PCDH11X: variants seen among roughly 807,000 people sequenced by gnomAD.
PCDH11X encodes protocadherin 11 X-linked.
Under a neutral mutation model 53.3 loss-of-function variants are expected in PCDH11X, and 18 were observed. That is an observed-to-expected ratio of 0.34 (90% CI 0.23 to 0.50). The LOEUF (loss-of-function observed/expected upper bound fraction) is 0.50. PCDH11X is among the 20% of genes least tolerant of loss of function. PCDH11X has a pLI of 0.98. For synonymous variants in PCDH11X, 279 were observed against 393.3 expected (o/e 0.71, Z 3.44); for missense variants, 570 against 1,032.4 (o/e 0.55, Z 6.14).
At chrX:91,922,026 G>A (rs5942096) in intron 6 of PCDH11X, among the ~76,000 whole-genome samples, 21,674 of 110,031 alleles carry the variant, frequency 0.2, 2,183 homozygotes, top group Admixed American at 0.47. Context: ...ACATATGCAT[G>A]TATAAAATGT....
intron 4 of PCDH11X, among the ~76,000 whole-genome samples, chrX:91,814,387 T>C (rs994168073): frequency 1.8e-5 from 2 of 110,596 alleles, no homozygotes; most frequent in African/African-American, 6.5e-5. Context: ...TACCAAAATA[T>C]TACCAAACAT....
At chrX:91,824,736 A>C (rs1438254264) in intron 4 of PCDH11X, among the ~76,000 whole-genome samples, 1 of 108,242 alleles carries the variant, frequency 9.2e-6, no homozygotes, top group East Asian at 2.8e-4. Flanking sequence ...GTTCTTTTGG[A>C]GGAGGAGAGG....
intron 8 of PCDH11X, among the ~76,000 whole-genome samples, chrX:92,272,708 A>G (rs1032366043): frequency 8.9e-6 from 1 of 112,408 alleles, no homozygotes; most frequent in Non-Finnish European, 1.9e-5. Flanking sequence ...TTTAATGAAT[A>G]TGTGTTGTCA....
chrX:92,276,533 G>A (rs2068097492), intron 8 of PCDH11X, among the ~76,000 whole-genome samples: 1 of 110,656 alleles, frequency 9.0e-6, no homozygotes, highest in African/African-American at 3.3e-5. Context: ...AAGCTCCTGG[G>A]GGAGGAGGTT....
intron 8 of PCDH11X, among the ~76,000 whole-genome samples, chrX:92,309,805 G>A (rs990781079): frequency 8.1e-5 from 9 of 111,241 alleles, no homozygotes; most frequent in Non-Finnish European, 1.3e-4. Context: ...TCTCACTGCC[G>A]GAGACATTTC....
chrX:91,948,416 G>A (rs1426965953), intron 6 of PCDH11X, among the ~76,000 whole-genome samples: 3 of 108,538 alleles, frequency 2.8e-5, no homozygotes, highest in African/African-American at 1.0e-4. Flanking sequence ...AGGGGTAATG[G>A]ACTGTGGGAT....
chrX:91,889,888 G>C (rs1385879793), intron 6 of PCDH11X, among the ~76,000 whole-genome samples: 1 of 111,649 alleles, frequency 9.0e-6, no homozygotes, highest in Non-Finnish European at 1.9e-5. Flanking sequence ...TCTGAATCTA[G>C]AATAACTGAT....
chrX:92,210,102 G>A (rs1401388569), intron 7 of PCDH11X, among the ~76,000 whole-genome samples: 1 of 111,353 alleles, frequency 9.0e-6, no homozygotes, highest in African/African-American at 3.3e-5. Context: ...TGTGATGAGA[G>A]GGACTTCCAT....
At chrX:92,147,228 G>A (rs2065282076) in intron 6 of PCDH11X, among the ~76,000 whole-genome samples, 1 of 108,129 alleles carries the variant, frequency 9.2e-6, no homozygotes, top group African/African-American at 3.5e-5. Flanking sequence ...ATCTAACTAT[G>A]TAAAATGTAA....
At chrX:92,507,867 C>T (rs1382803164) in intron 10 of PCDH11X, among the ~76,000 whole-genome samples, 4 of 110,807 alleles carry the variant, frequency 3.6e-5, no homozygotes, top group Non-Finnish European at 7.6e-5. Context: ...GGCTGGAGTG[C>T]AGTGGCAGAG....
At chrX:92,294,725 A>G (rs1388623918) in intron 8 of PCDH11X, among the ~76,000 whole-genome samples, 3 of 111,066 alleles carry the variant, frequency 2.7e-5, no homozygotes, top group Non-Finnish European at 5.7e-5. Flanking sequence ...GCTAGATCGC[A>G]TCAAGAAGAG....
intron 10 of PCDH11X, among the ~76,000 whole-genome samples, chrX:92,502,109 A>G (rs1282019215): frequency 1.4e-4 from 16 of 110,641 alleles, no homozygotes; most frequent in Non-Finnish European, 1.7e-4. Context: ...TGAATGAACT[A>G]TCATTCATAA....
At chrX:91,891,989 G>T (rs1233009966) in intron 6 of PCDH11X, among the ~76,000 whole-genome samples, 1 of 90,449 alleles carries the variant, frequency 1.1e-5, no homozygotes, top group Non-Finnish European at 2.2e-5. Context: ...TAAAATTTCA[G>T]TGTTTACTAT....
chrX:92,551,104 C>T (rs1452788467), intron 10 of PCDH11X, among the ~76,000 whole-genome samples: 1 of 110,459 alleles, frequency 9.1e-6, no homozygotes, highest in East Asian at 2.8e-4. Flanking sequence ...ATATGCCAAG[C>T]AGGGGAATTG....
chrX:92,281,357 A>G (rs745347117), intron 8 of PCDH11X, among the ~76,000 whole-genome samples: 23 of 111,945 alleles, frequency 2.1e-4, no homozygotes, highest in Non-Finnish European at 3.2e-4. Flanking sequence ...TTGCATCTCT[A>G]TTTCTACCTG....
chrX:92,523,503 T>C (rs773801301), intron 10 of PCDH11X, among the ~76,000 whole-genome samples: 1 of 111,917 alleles, frequency 8.9e-6, no homozygotes, highest in Non-Finnish European at 1.9e-5. Context: ...ACGATTGAAA[T>C]TTGACATTAA....
intron 8 of PCDH11X, among the ~76,000 whole-genome samples, chrX:92,314,245 T>A (rs1309974548): frequency 2.7e-5 from 3 of 111,834 alleles, no homozygotes; most frequent in Non-Finnish European, 3.8e-5. Context: ...AACTGTTTTG[T>A]TAAAAAATAA....
At chrX:92,252,980 C>A (rs937212189) in intron 7 of PCDH11X, among the ~76,000 whole-genome samples, 6 of 109,888 alleles carry the variant, frequency 5.5e-5, no homozygotes, top group Non-Finnish European at 1.1e-4. Flanking sequence ...CAGGAATACA[C>A]AAGAAAGATG....
chrX:92,599,650 C>T (rs1360576023), intron 10 of PCDH11X, among the ~76,000 whole-genome samples: 1 of 111,646 alleles, frequency 9.0e-6, no homozygotes, highest in Non-Finnish European at 1.9e-5. Flanking sequence ...AGAAAATGGA[C>T]TAATACAGCA....
Sources: allele counts gnomAD v4.1 joint callset (sites outside exome capture counted in the v4.1 genomes callset), GRCh38; gene constraint gnomAD v4.1.1; transcripts MANE v1.5; gene names NCBI Gene and HGNC (gene_info 2026-07-23, HGNC 2026-07-21).